SORCS2: variants seen among roughly 807,000 people sequenced by gnomAD.
The protein encoded by SORCS2 is VPS10 domain-containing receptor SorCS2.
A neutral mutation model predicts 141.6 loss-of-function variants in SORCS2; 100 were observed. The observed-to-expected ratio is 0.71, with a 90% confidence interval of 0.60 to 0.83. The LOEUF is 0.83. Among genes scored for constraint, SORCS2 ranks in the 40% least tolerant of loss-of-function variants. The pLI is 0.00. For missense variants in SORCS2, 1,646 were observed against 1,560.2 expected (o/e 1.05, Z -0.93); for synonymous variants, 789 against 676.9 (o/e 1.17, Z -2.57).
chr4:7,391,242 C>T (rs534261144), intron 1 of SORCS2, among the ~76,000 whole-genome samples: 3 of 152,206 alleles, frequency 2.0e-5, no homozygotes, highest in African/African-American at 2.4e-5. Flanking sequence ...AAGACGCTGA[C>T]GACTTTGCTG....
At chr4:7,617,944 C>T (rs1367128136) in intron 3 of SORCS2, among the ~76,000 whole-genome samples, 2 of 151,998 alleles carry the variant, frequency 1.3e-5, no homozygotes, top group Admixed American at 1.3e-4. Context: ...GTGGGATGCT[C>T]GCCCATCCCT....
intron 2 of SORCS2, among the ~76,000 whole-genome samples, chr4:7,484,008 C>G (rs1254209175): frequency 6.6e-6 from 1 of 152,248 alleles, no homozygotes; most frequent in African/African-American, 2.4e-5. Context: ...AGCCCAGGCT[C>G]TCCTGTATCT....
chr4:7,575,957 T>C (rs1231635082), intron 3 of SORCS2, among the ~76,000 whole-genome samples: 2 of 152,234 alleles, frequency 1.3e-5, no homozygotes, highest in Non-Finnish European at 2.9e-5. Flanking sequence ...ATTAAGAAAT[T>C]AGTTTTTTGA....
chr4:7,580,240 G>T (rs1167930096), intron 3 of SORCS2, among the ~76,000 whole-genome samples: 1 of 152,182 alleles, frequency 6.6e-6, no homozygotes, highest in African/African-American at 2.4e-5. Context: ...CCAGCACTTT[G>T]GGAGACCAAG....
chr4:7,509,107 G>C lies in SORCS2; in HGVS notation c.549-22423G>C, dbSNP rs569865520. Among the ~76,000 whole-genome samples, 12 of 152,334 alleles carry C rather than the reference G, an allele frequency of 7.9e-5. No individual in the cohort carries two copies. The South Asian group carries it at 1.4e-3, about 18-fold the overall frequency. ...AAACAGGAGATCAGTACCTGCTTCT[G>C]TACATAGAACAGAGTCAGTTACACG... On this transcript the variant is annotated intron_variant, in intron 2 of 26. Transcript: ENST00000507866.
In SORCS2 at chr4:7,336,341, C is replaced by T. The variant is rs913121933; in HGVS notation, c.481-59947C>T. 5.3e-5 allele frequency among the ~76,000 whole-genome samples: 8 copies of T among 152,202 alleles called. 1 individual carries two copies. Among genetic ancestry groups the T allele is most frequent in the African/African-American group, 1.9e-4 (8 of 41,454 alleles). On this transcript the variant is annotated intron_variant, in intron 1 of 26. Transcript: ENST00000507866. ...TGGCGGTGTCTCCCAGTGGAGAGCT[C>T]TGAGACTGCGACTGCTGTCCTCCTT...
At chr4:7,685,304 G>A (rs1038870549) in intron 10 of SORCS2, among the ~76,000 whole-genome samples, 3 of 152,156 alleles carry the variant, frequency 2.0e-5, no homozygotes, top group Non-Finnish European at 4.4e-5. Context: ...AGGCAGGCAT[G>A]TGGGAACCCG....
At chr4:7,197,248 A>G (rs1442476922) in intron 1 of SORCS2, among the ~76,000 whole-genome samples, 3 of 152,268 alleles carry the variant, frequency 2.0e-5, no homozygotes, top group South Asian at 4.2e-4. Flanking sequence ...TAACCACCTC[A>G]TTTTAACTTA....
chr4:7,591,065 G>C (rs945858453), intron 3 of SORCS2, among the ~76,000 whole-genome samples: 4 of 152,232 alleles, frequency 2.6e-5, no homozygotes, highest in Non-Finnish European at 5.9e-5. Context: ...GGTCTCAATG[G>C]AGGAAACTGA....
At chr4:7,290,483 C>G (rs1191408234) in intron 1 of SORCS2, among the ~76,000 whole-genome samples, 1 of 152,164 alleles carries the variant, frequency 6.6e-6, no homozygotes, top group Non-Finnish European at 1.5e-5. Flanking sequence ...ATTTTTCTCC[C>G]TTCCCCATGC....
At chr4:7,342,679 CT>C (rs1226698452) in intron 1 of SORCS2, among the ~76,000 whole-genome samples, 25 of 152,150 alleles carry the variant, frequency 1.6e-4, no homozygotes, top group Non-Finnish European at 3.5e-4. Context: ...GCAGCCCTCC[CT>C]TCAGGACTTC....
Position 7,568,946 on chromosome 4 carries a change from G to A in SORCS2, c.648+37317G>A, listed in dbSNP as rs932454638. Among the ~76,000 whole-genome samples, 5 of 152,186 alleles carry A rather than the reference G, an allele frequency of 3.3e-5. No individual in the cohort carries two copies. In the South Asian group the frequency reaches 1.0e-3, roughly 32 times the overall value. On this transcript the variant is annotated intron_variant, in intron 3 of 26. Coordinates refer to ENST00000507866, the MANE Select transcript of SORCS2 (RefSeq NM_020777.3). ...AGGTGGTATGGGAACAGCTCCCCAAGGCTGGACTCTACCTTGGCTCAGAAC... is the reference window on the plus strand; with the variant it reads ...AGGTGGTATGGGAACAGCTCCCCAAAGCTGGACTCTACCTTGGCTCAGAAC...
intron 2 of SORCS2, among the ~76,000 whole-genome samples, chr4:7,443,778 A>G (rs1727826362): frequency 6.6e-6 from 1 of 152,224 alleles, no homozygotes; most frequent in African/African-American, 2.4e-5. Flanking sequence ...TGAACTGGCC[A>G]AGCATCTCCC....
chr4:7,384,309 C>T (rs920437649), intron 1 of SORCS2, among the ~76,000 whole-genome samples: 13 of 152,196 alleles, frequency 8.5e-5, no homozygotes, highest in African/African-American at 2.4e-4. Context: ...AAAGAGATAA[C>T]GTCCATAGAG....
At chr4:7,442,641 C>G (rs915545740) in intron 2 of SORCS2, among the ~76,000 whole-genome samples, 3 of 140,212 alleles carry the variant, frequency 2.1e-5, no homozygotes, top group African/African-American at 8.2e-5. Flanking sequence ...CACCCCCTCC[C>G]CCAGCTCTGC....
intron 2 of SORCS2, 38 bp downstream of exon 2, chr4:7,396,393 C>A: frequency 6.2e-7 from 1 of 1,604,152 alleles, no homozygotes; most frequent in Non-Finnish European, 8.5e-7. Context: ...TCTTATGCAC[C>A]TGCGTGCCAT....
At chr4:7,256,062 G>A (rs1017995936) in intron 1 of SORCS2, among the ~76,000 whole-genome samples, 3 of 152,164 alleles carry the variant, frequency 2.0e-5, no homozygotes, top group Non-Finnish European at 4.4e-5. Flanking sequence ...TGGGCAGGTC[G>A]TGCTGTCTCT....
At chr4:7,659,746 G>C (rs901715343) in intron 5 of SORCS2, among the ~76,000 whole-genome samples, 1 of 152,228 alleles carries the variant, frequency 6.6e-6, no homozygotes, top group Non-Finnish European at 1.5e-5. Context: ...GCACAGGGAA[G>C]AGCCTTGGAC....
chr4:7,221,425 C>A (rs1454749481), intron 1 of SORCS2, among the ~76,000 whole-genome samples: 4 of 152,118 alleles, frequency 2.6e-5, no homozygotes, highest in African/African-American at 9.7e-5. Flanking sequence ...ACCAGCGGAA[C>A]CAGAGACCGC....
Sources: allele counts gnomAD v4.1 joint callset (sites outside exome capture counted in the v4.1 genomes callset), GRCh38; gene constraint gnomAD v4.1.1; transcripts MANE v1.5; gene names NCBI Gene and HGNC (gene_info 2026-07-23, HGNC 2026-07-21).